The following AVL9 variants were observed in gnomAD, a reference collection of about 807,000 sequenced individuals.
AVL9 encodes late secretory pathway protein AVL9 homolog.
AVL9 carries 49 observed loss-of-function variants against 79.2 expected under a neutral mutation model. That is an observed-to-expected ratio of 0.62 (90% CI 0.49 to 0.79). AVL9 has a LOEUF of 0.79. Ranked by LOEUF, AVL9 falls within the 30% of genes least tolerant of loss-of-function variation. The probability of loss-of-function intolerance (pLI) is 0.00; values close to 1 mark genes in which losing one functional copy is unlikely to be tolerated. For synonymous variants in AVL9, 299 were observed against 280.6 expected (o/e 1.07, Z -0.65); for missense variants, 682 against 776.8 (o/e 0.88, Z 1.45).
At chr7:32,499,838 C>T (rs997657295) in intron 1 of AVL9, among the ~76,000 whole-genome samples, 4 of 152,134 alleles carry the variant, frequency 2.6e-5, no homozygotes, top group Non-Finnish European at 5.9e-5. Flanking sequence ...TGAGTGAGAA[C>T]ATGTGGTGTT....
chr7:32,559,097 GA>G lies in AVL9; in HGVS notation c.851del (p.Asn284ThrfsTer8). Reference sequence around the variant, plus strand: ...GGAACTATCAGGAAAGTCATGGCAGGAAACCATGGAGAAGATGCTGCCATGA... The same window carrying G: ...GGAACTATCAGGAAAGTCATGGCAGGAACCATGGAGAAGATGCTGCCATGA... ...NLGTIRKVMA[G>X]NHGEDAAMKT... On this transcript the variant is annotated frameshift_variant, in exon 10 of 16. Coordinates refer to ENST00000318709, the MANE Select transcript of AVL9 (RefSeq NM_015060.3). LOFTEE classifies it high-confidence loss of function. 1 of 1,614,082 alleles carries G rather than the reference GA, an allele frequency of 6.2e-7. No individual in the cohort carries two copies. Among genetic ancestry groups the G allele is most frequent in the Non-Finnish European group, 8.5e-7 (1 of 1,179,994 alleles).
At chr7:32,509,537 T>G (rs1371445737) in intron 1 of AVL9, among the ~76,000 whole-genome samples, 1 of 152,160 alleles carries the variant, frequency 6.6e-6, no homozygotes, top group Non-Finnish European at 1.5e-5. Flanking sequence ...CAAGTTCCAT[T>G]GAGAAACCAG....
At chr7:32,524,547 C>CACACACAG (rs796672654) in intron 1 of AVL9, among the ~76,000 whole-genome samples, 6 of 115,680 alleles carry the variant, frequency 5.2e-5, no homozygotes, top group African/African-American at 1.8e-4. Flanking sequence ...CACACACACA[C>CACACACAG]ACACACACAC....
At position 32,544,743 on chromosome 7, in the gene AVL9, A is replaced by T; in HGVS notation, c.264A>T (p.Val88=). The T allele has an allele frequency of 6.2e-7, 1 of 1,613,876 alleles. No individual in the cohort carries two copies. The highest frequency in any genetic ancestry group is 8.5e-7 in the Non-Finnish European group (1 of 1,179,882). The change falls in exon 3 of 16, where the codon GTA becomes GTT. Residue 88 remains valine (V), a synonymous_variant. Coordinates refer to ENST00000318709, the MANE Select transcript of AVL9 (RefSeq NM_015060.3). Reference sequence around the variant, plus strand: ...CCAGAAATGGAAATGGAGCCACAGTATTTGGTATCTCTTGCTATCGACAAA... The same window carrying T: ...CCAGAAATGGAAATGGAGCCACAGTTTTTGGTATCTCTTGCTATCGACAAA... ...LPPRNGNGAT[V]FGISCYRQIE...
At position 32,549,595 on chromosome 7, in the gene AVL9, A is replaced by G. The variant is rs1002719307; in HGVS notation, c.372+677A>G. ...TTTCTTCCAAGAAGTAATTTTATAC[A>G]TAAGGCAAGAATAGTCTCCTAGAAA... On this transcript the variant is annotated intron_variant, in intron 4 of 15. Transcript: ENST00000318709. 9.9e-5 allele frequency among the ~76,000 whole-genome samples: 15 copies of G among 151,996 alleles called. 1 individual carries two copies. Among genetic ancestry groups the G allele is most frequent in the Admixed American group, 9.8e-4 (15 of 15,252 alleles).
intron 1 of AVL9, chr7:32,538,040 A>C (rs1455226718): frequency 1.3e-5 from 2 of 152,226 alleles, no homozygotes; most frequent in Non-Finnish European, 2.9e-5. Flanking sequence ...CTTGGAATAC[A>C]TGTAGTATCC....
In AVL9 at chr7:32,559,184, C is replaced by T. The variant is rs770304639; in HGVS notation, c.935C>T (p.Thr312Ile). ...DSSKGQEPND[T>I]NQYLKPPSRP... ...AGCAAAGGGCAGGAACCCAATGATA[C>T]CAATCAATATTTGAAACCTCCATCT... Residue 312 changes from threonine to isoleucine, a missense_variant, in exon 10 of 16, where the codon ACC becomes ATC. By Grantham distance (89) the Thr-to-Ile change is moderately conservative (BLOSUM62 -1). Coordinates refer to ENST00000318709, the MANE Select transcript of AVL9 (RefSeq NM_015060.3). The T allele has an allele frequency of 3.5e-5, 56 of 1,614,050 alleles. No individual in the cohort carries two copies. The South Asian group carries it at 5.9e-4, about 17-fold the overall frequency.
intron 10 of AVL9, among the ~76,000 whole-genome samples, chr7:32,568,793 T>C (rs1428884264): frequency 2.0e-5 from 3 of 152,240 alleles, no homozygotes; most frequent in African/African-American, 7.2e-5. Context: ...TTTTTAGTTT[T>C]GTTATTATTA....
intron 13 of AVL9, among the ~76,000 whole-genome samples, chr7:32,576,346 C>T (rs926390578): frequency 6.6e-6 from 1 of 152,148 alleles, no homozygotes; most frequent in Non-Finnish European, 1.5e-5. Context: ...TGGTGATGCT[C>T]AGTACACAAT....
At chr7:32,566,525 A>T (rs1473061682) in intron 10 of AVL9, among the ~76,000 whole-genome samples, 1 of 5,676 alleles carries the variant, frequency 1.8e-4, no homozygotes, top group Non-Finnish European at 2.9e-4. Context: ...GAATAAAAAT[A>T]AAATAGTATA....
chr7:32,499,737 C>G (rs1787032939), intron 1 of AVL9, among the ~76,000 whole-genome samples: 1 of 152,050 alleles, frequency 6.6e-6, no homozygotes, highest in South Asian at 2.1e-4. Flanking sequence ...CTAATGCTTT[C>G]CCTCCCCTTG....
intron 1 of AVL9, among the ~76,000 whole-genome samples, chr7:32,519,586 TTA>T (rs1430012361): frequency 6.6e-6 from 1 of 152,230 alleles, no homozygotes; most frequent in Non-Finnish European, 1.5e-5. Context: ...TAAAATCATG[TTA>T]AGTAACCTTG....
At chr7:32,533,146 A>C (rs1469946228) in intron 1 of AVL9, 1 of 152,132 alleles carries the variant, frequency 6.6e-6, no homozygotes. Flanking sequence ...GTCTCTACTA[A>C]AAATACAAAA....
At chr7:32,569,817 A>G (rs776920695) in intron 10 of AVL9, among the ~76,000 whole-genome samples, 2 of 152,250 alleles carry the variant, frequency 1.3e-5, no homozygotes, top group Non-Finnish European at 2.9e-5. Context: ...CATGGAGACA[A>G]TTAGCTAATC....
At chr7:32,516,518 A>G (rs1034604548) in intron 1 of AVL9, among the ~76,000 whole-genome samples, 1 of 152,136 alleles carries the variant, frequency 6.6e-6, no homozygotes, top group African/African-American at 2.4e-5. Context: ...CTGGATTACT[A>G]GGGGCTAAGT....
chr7:32,568,907 G>C (rs1790701309), intron 10 of AVL9, among the ~76,000 whole-genome samples: 1 of 152,080 alleles, frequency 6.6e-6, no homozygotes, highest in African/African-American at 2.4e-5. Context: ...TTCTGTTAGG[G>C]TCTGATCAAG....
intron 1 of AVL9, among the ~76,000 whole-genome samples, chr7:32,511,722 G>T (rs1019190642): frequency 6.6e-6 from 1 of 152,056 alleles, no homozygotes; most frequent in African/African-American, 2.4e-5. Context: ...AGGTACGCTG[G>T]AAAACTGAAC....
At chr7:32,541,233 A>G (rs1789191773) in intron 1 of AVL9, among the ~76,000 whole-genome samples, 1 of 151,734 alleles carries the variant, frequency 6.6e-6, no homozygotes, top group Non-Finnish European at 1.5e-5. Context: ...TCTGTATTAA[A>G]CTTTTTGGAC....
In AVL9 at chr7:32,583,962, C is replaced by A; in HGVS notation, c.*55C>A. The A allele has an allele frequency of 1.6e-6, 2 of 1,283,220 alleles. No homozygotes were observed. The highest frequency in any genetic ancestry group is 1.2e-5 in the South Asian group (1 of 83,186). 79.5% of individuals were successfully genotyped at this position (1,283,220 alleles called of 1,614,324 possible). A position where few individuals can be genotyped will look rare whatever the true frequency, so the allele number is the denominator to read the frequency against. On this transcript the variant is annotated 3_prime_UTR_variant, in exon 16 of 16. Transcript: ENST00000318709. ...TGAGGTTTAAGTGTCCCCTGTCTGT[C>A]TGCTGCTCCCAGGCTGTTACTAGCC...
Sources: gnomAD v4.1 joint callset for allele counts (sites outside exome capture counted in the v4.1 genomes callset) on GRCh38, gnomAD v4.1.1 for gene constraint, MANE v1.5 for transcripts, NCBI Gene and HGNC (gene_info 2026-07-23, HGNC 2026-07-21) for gene names.